CNTN6: variants seen among roughly 807,000 people sequenced by gnomAD.
CNTN6 encodes the protein contactin 6, also known as contactin-6.
In CNTN6, 137 loss-of-function variants were observed where a neutral mutation model predicts 122.8. That is an observed-to-expected ratio of 1.12 (90% confidence interval 0.97 to 1.29). The LOEUF is 1.29. CNTN6 is among the 50% of genes most tolerant of loss of function. The pLI, the probability that CNTN6 is intolerant of heterozygous loss-of-function variation, is 0.00. For missense variants in CNTN6, 1,634 were observed against 1,223.4 expected (o/e 1.34, Z -5.01); for synonymous variants, 570 against 426.0 (o/e 1.34, Z -4.16).
In CNTN6 at chr3:1,329,782, T is replaced by C. The variant is rs1251741165; in HGVS notation, c.1214-3T>C. 1.2e-6 allele frequency: 2 copies of C among 1,604,144 alleles called. No individual in the cohort carries two copies. The highest frequency in any genetic ancestry group is 1.1e-5 in the South Asian group (1 of 89,778). On this transcript the variant is annotated splice_polypyrimidine_tract_variant and splice_region_variant and intron_variant, in intron 10 of 22. Coordinates refer to ENST00000446702, the MANE Select transcript of CNTN6 (RefSeq NM_001289080.2). ...ACAATTTTGTCTTTGATTTTGTTTT[T>C]AGCCTCAGCTCCAGATTTCTCCAAA...
chr3:1,393,900 A>T (rs2126236108), intron 20 of CNTN6, among the ~76,000 whole-genome samples: 2 of 152,282 alleles, frequency 1.3e-5, no homozygotes, highest in African/African-American at 4.8e-5. Context: ...ATATATTCAC[A>T]TCTCACTACT....
Position 1,373,489 on chromosome 3 carries a change from C to T in CNTN6, c.1787-115C>T, listed in dbSNP as rs1239483346. The T allele has an allele frequency of 6.6e-6, 6 of 913,626 alleles. No individual in the cohort carries two copies. The African/African-American group carries it at 8.5e-5, about 13-fold the overall frequency. 56.6% of individuals were successfully genotyped at this position (913,626 alleles called of 1,614,324 possible). A position where few individuals can be genotyped will look rare whatever the true frequency, so the allele number is the denominator to read the frequency against. On this transcript the variant is annotated intron_variant, in intron 14 of 22. Transcript: ENST00000446702. ...TATCGCTAATAATGTGCTATAAATA[C>T]ATTATGGTCAATATTTTACTTCCTA...
intron 7 of CNTN6, among the ~76,000 whole-genome samples, chr3:1,308,731 A>G (rs916721728): frequency 2.6e-5 from 4 of 152,066 alleles, no homozygotes; most frequent in East Asian, 1.9e-4. Flanking sequence ...CCATTTTGCA[A>G]TACCACCAGT....
At chr3:1,401,867 A>C (rs1237941051) in intron 21 of CNTN6, among the ~76,000 whole-genome samples, 2 of 152,038 alleles carry the variant, frequency 1.3e-5, no homozygotes, top group Admixed American at 6.6e-5. Context: ...AAATATATCT[A>C]AATAGAGATT....
intron 2 of CNTN6, among the ~76,000 whole-genome samples, chr3:1,199,473 C>A (rs779124443): frequency 1.3e-5 from 2 of 152,086 alleles, no homozygotes; most frequent in African/African-American, 4.8e-5. Context: ...AGCCACCACA[C>A]CCAGCCAAAT....
chr3:1,372,169 C>A (rs1575917901), intron 12 of CNTN6, 130 bp from the exon 13 acceptor site: 1 of 554,636 alleles, frequency 1.8e-6, no homozygotes, highest in Non-Finnish European at 3.0e-6. Flanking sequence ...ATATTTCATA[C>A]TGGACATTGT....
At chr3:1,226,170 C>T (rs1202020436) in intron 3 of CNTN6, among the ~76,000 whole-genome samples, 2 of 152,114 alleles carry the variant, frequency 1.3e-5, no homozygotes, top group Non-Finnish European at 2.9e-5. Flanking sequence ...TGAGTTTCTG[C>T]ACCCAACCTC....
At chr3:1,276,221 T>A (rs1158534454) in intron 4 of CNTN6, among the ~76,000 whole-genome samples, 1 of 152,234 alleles carries the variant, frequency 6.6e-6, no homozygotes, top group Non-Finnish European at 1.5e-5. Flanking sequence ...TGTAACTTTA[T>A]GCCAATCTAA....
chr3:1,119,853 C>T (rs997502257), intron 1 of CNTN6, among the ~76,000 whole-genome samples: 4 of 151,974 alleles, frequency 2.6e-5, no homozygotes, highest in African/African-American at 9.7e-5. Flanking sequence ...CTTATATCAC[C>T]CAAGAAAGTA....
At chr3:1,367,513 C>T (rs999332385) in intron 12 of CNTN6, among the ~76,000 whole-genome samples, 1 of 151,874 alleles carries the variant, frequency 6.6e-6, no homozygotes. Context: ...TTTTACCTCT[C>T]AATTTGTGTT....
intron 1 of CNTN6, among the ~76,000 whole-genome samples, chr3:1,097,678 T>A (rs1452887633): frequency 6.6e-6 from 1 of 152,160 alleles, no homozygotes; most frequent in African/African-American, 2.4e-5. Context: ...ATAGTGGAGA[T>A]AATATTAGTA....
intron 4 of CNTN6, among the ~76,000 whole-genome samples, chr3:1,252,769 C>T (rs1294216049): frequency 1.3e-5 from 2 of 152,054 alleles, no homozygotes; most frequent in Admixed American, 6.6e-5. Context: ...GGCTTATTCT[C>T]GAAGCAAATA....
At chr3:1,339,457 T>C (rs1390988565) in intron 11 of CNTN6, among the ~76,000 whole-genome samples, 1 of 152,154 alleles carries the variant, frequency 6.6e-6, no homozygotes, top group Non-Finnish European at 1.5e-5. Flanking sequence ...CAGAGTCTCC[T>C]GGGGAAGGCA....
intron 10 of CNTN6, among the ~76,000 whole-genome samples, chr3:1,329,079 A>G (rs1464577050): frequency 6.6e-6 from 1 of 151,390 alleles, no homozygotes. Flanking sequence ...TAAATCACAT[A>G]TATATGTATA....
chr3:1,287,688 G>T (rs1048571937), intron 5 of CNTN6, among the ~76,000 whole-genome samples: 5 of 151,536 alleles, frequency 3.3e-5, no homozygotes, highest in African/African-American at 1.2e-4. Flanking sequence ...GGTGAAAAAA[G>T]CTATCTCTAA....
intron 6 of CNTN6, among the ~76,000 whole-genome samples, chr3:1,297,206 GTATT>G (rs148447899): frequency 0.011 from 1,675 of 152,082 alleles, 31 homozygotes; most frequent in African/African-American, 0.037. Flanking sequence ...CACCAACAAT[GTATT>G]TATTTTAGAA....
intron 2 of CNTN6, among the ~76,000 whole-genome samples, chr3:1,155,767 C>G (rs1471462229): frequency 6.6e-6 from 1 of 150,982 alleles, no homozygotes; most frequent in Non-Finnish European, 1.5e-5. Context: ...TCTGTCATTA[C>G]CAGTCAAGTT....
Position 1,169,223 on chromosome 3 carries a change from C to A in CNTN6, c.55+21160C>A, listed in dbSNP as rs543647010. Reference sequence around the variant, plus strand: ...GCAGAGGATTTGTTCTTCTATTTAGCCTAAGAGGCCTCCAGATTAAATGTT... The same window carrying A: ...GCAGAGGATTTGTTCTTCTATTTAGACTAAGAGGCCTCCAGATTAAATGTT... On this transcript the variant is annotated intron_variant, in intron 2 of 22. Transcript: ENST00000446702. Among the ~76,000 whole-genome samples, 3 of 152,186 alleles carry A rather than the reference C, an allele frequency of 2.0e-5. No individual in the cohort carries two copies. The South Asian group carries it at 6.2e-4, about 31-fold the overall frequency.
At chr3:1,255,121 G>A (rs1325579469) in intron 4 of CNTN6, among the ~76,000 whole-genome samples, 1 of 152,050 alleles carries the variant, frequency 6.6e-6, no homozygotes, top group Non-Finnish European at 1.5e-5. Context: ...AAGAGCAAGG[G>A]GATAGAAGGC....
Sources: gnomAD v4.1 joint callset for allele counts (sites outside exome capture counted in the v4.1 genomes callset) on GRCh38, gnomAD v4.1.1 for gene constraint, MANE v1.5 for transcripts, NCBI Gene and HGNC (gene_info 2026-07-23, HGNC 2026-07-21) for gene names.